The following SYTL5 variants were observed in gnomAD, a reference collection of about 807,000 sequenced individuals.
The protein encoded by SYTL5 is synaptotagmin-like protein 5.
A neutral mutation model predicts 55.9 loss-of-function variants in SYTL5; 34 were observed. The observed-to-expected ratio is 0.61, with a 90% confidence interval of 0.46 to 0.81. The LOEUF is 0.81. Ranked by LOEUF, SYTL5 falls within the 30% of genes least tolerant of loss-of-function variation. SYTL5 has a pLI of 0.00. For missense variants in SYTL5, 637 were observed against 546.7 expected (o/e 1.17, Z -1.65); for synonymous variants, 221 against 188.7 (o/e 1.17, Z -1.40).
intron 2 of SYTL5, among the ~76,000 whole-genome samples, chrX:38,045,758 C>G (rs1198205553): frequency 8.9e-6 from 1 of 112,140 alleles, no homozygotes; most frequent in Non-Finnish European, 1.9e-5. Context: ...AGTTGTGATT[C>G]TTTTTAATAG....
intron 2 of SYTL5, among the ~76,000 whole-genome samples, chrX:38,041,505 G>A (rs929904781): frequency 9.0e-6 from 1 of 111,720 alleles, no homozygotes; most frequent in Non-Finnish European, 1.9e-5. Context: ...GCTTCTTAAC[G>A]GATTAACAGA....
Position 38,126,989 on chromosome X carries a change from C to G in SYTL5, c.*259C>G. On this transcript the variant is annotated 3_prime_UTR_variant, in exon 17 of 17. Transcript: ENST00000297875. The stretch of plus-strand genomic sequence containing the variant: ...TTGTCCTGTCAACAAGCAAATTGTG[C>G]AAAGGCTTATAGGGTTTATGCCATA... 3.2e-6 allele frequency: 1 copy of G among 314,976 alleles called. No individual in the cohort carries two copies. Among genetic ancestry groups the G allele is most frequent in the Admixed American group, 5.1e-5 (1 of 19,449 alleles). The allele number at this position is 314,976 out of a possible 1,213,427, so 26.0% of individuals were successfully genotyped here.
At chrX:37,984,719 G>T in the SYTL5 span, among the ~76,000 whole-genome samples, 2 of 110,991 alleles carry the variant, frequency 1.8e-5, no homozygotes, top group Non-Finnish European at 3.8e-5. Context: ...TTAAGAATAT[G>T]GGTACAAAAA....
intron 6 of SYTL5, among the ~76,000 whole-genome samples, chrX:38,081,729 G>A (rs1012507747): frequency 6.3e-5 from 7 of 111,893 alleles, no homozygotes; most frequent in African/African-American, 2.3e-4. Context: ...CGTGCTGAAT[G>A]TACCTCAGAG....
chrX:37,959,701 A>C, the SYTL5 span, among the ~76,000 whole-genome samples: 1 of 111,624 alleles, frequency 9.0e-6, no homozygotes, highest in Non-Finnish European at 1.9e-5. Flanking sequence ...GGCCTTCCAA[A>C]CGGTTTGTGA....
the SYTL5 span, among the ~76,000 whole-genome samples, chrX:37,890,429 T>C: frequency 4.5e-5 from 5 of 112,046 alleles, no homozygotes; most frequent in African/African-American, 1.3e-4. Context: ...ATATAAGCTC[T>C]GAAAAACATT....
chrX:38,082,772 G>A (rs997883463), intron 6 of SYTL5, among the ~76,000 whole-genome samples: 1 of 111,943 alleles, frequency 8.9e-6, no homozygotes, highest in Non-Finnish European at 1.9e-5. Context: ...AAGATAGGAA[G>A]AGCATTCTAC....
At chrX:38,116,480 T>C (rs1165785892) in intron 13 of SYTL5, among the ~76,000 whole-genome samples, 2 of 112,456 alleles carry the variant, frequency 1.8e-5, no homozygotes, top group African/African-American at 6.5e-5. Flanking sequence ...TTGCATAAAT[T>C]CTCCTCCTAA....
At chrX:38,058,503 G>C (rs1216392481) in intron 3 of SYTL5, among the ~76,000 whole-genome samples, 1 of 109,962 alleles carries the variant, frequency 9.1e-6, no homozygotes, top group African/African-American at 3.3e-5. Flanking sequence ...TGGCTTTGCT[G>C]GTGGTGAATA....
At chrX:37,893,751 TTATATATAATCTATAGATAAACTATAG>T in the SYTL5 span, among the ~76,000 whole-genome samples, 1 of 92,388 alleles carries the variant, frequency 1.1e-5, no homozygotes, top group African/African-American at 3.9e-5. Context: ...AAACTATAGA[TTATATATAATCTATAGATAAACTATAG>T]ATTATATAGA....
intron 2 of SYTL5, among the ~76,000 whole-genome samples, chrX:38,036,839 A>C (rs5964285): frequency 0.42 from 47,080 of 111,009 alleles, 10,014 homozygotes; most frequent in African/African-American, 0.83. Context: ...TATCAGTGAC[A>C]TCATAAGATT....
At chrX:37,973,225 A>T in the SYTL5 span, among the ~76,000 whole-genome samples, 1 of 111,517 alleles carries the variant, frequency 9.0e-6, no homozygotes, top group Non-Finnish European at 1.9e-5. Context: ...ATAGGGTCAA[A>T]TAAAGCTCAT....
intron 9 of SYTL5, among the ~76,000 whole-genome samples, chrX:38,100,610 T>A (rs140194895): frequency 0.01 from 1,143 of 111,309 alleles, 16 homozygotes; most frequent in African/African-American, 0.035. Flanking sequence ...TCTACTGGAT[T>A]GGCAAAAATG....
chrX:38,064,905 G>T (rs1172699199), intron 3 of SYTL5, among the ~76,000 whole-genome samples: 3 of 110,733 alleles, frequency 2.7e-5, no homozygotes, highest in Non-Finnish European at 5.7e-5. Context: ...ATAGAGTTTA[G>T]TCTGTACTCA....
intron 2 of SYTL5, among the ~76,000 whole-genome samples, chrX:38,041,405 C>T (rs926997249): frequency 1.8e-5 from 2 of 112,130 alleles, no homozygotes; most frequent in Non-Finnish European, 3.8e-5. Flanking sequence ...CCTAAAGACT[C>T]ATTGTCCCCA....
chrX:38,103,127 C>T (rs1335216402), intron 10 of SYTL5: 2 of 998,257 alleles, frequency 2.0e-6, no homozygotes, highest in East Asian at 3.4e-5. Flanking sequence ...TTCTTTCCAA[C>T]CATACTTCAC....
At chrX:38,006,508 T>G (rs1218651457), upstream of SYTL5, 1 of 111,831 alleles carries the variant, frequency 8.9e-6, no homozygotes, top group Non-Finnish European at 1.9e-5. Flanking sequence ...TCTGTGCTAC[T>G]GGGTGTGTTC....
the SYTL5 span, among the ~76,000 whole-genome samples, chrX:37,910,377 A>T: frequency 4.5e-5 from 5 of 111,801 alleles, no homozygotes; most frequent in East Asian, 1.4e-3. Flanking sequence ...GCTAATTTTA[A>T]CTTGATTACC....
chrX:37,908,582 T>A, the SYTL5 span, among the ~76,000 whole-genome samples: 5 of 111,765 alleles, frequency 4.5e-5, no homozygotes, highest in Non-Finnish European at 7.5e-5. Context: ...ATCGTATCAA[T>A]GTTCTGGCCA....
Sources: allele counts gnomAD v4.1 joint callset (sites outside exome capture counted in the v4.1 genomes callset), GRCh38; gene constraint gnomAD v4.1.1; transcripts MANE v1.5; gene names NCBI Gene and HGNC (gene_info 2026-07-23, HGNC 2026-07-21).